Variants in MTRF1 observed in about 807,000 individuals in gnomAD.
MTRF1 encodes the protein mitochondrial translation release factor 1, also known as peptide chain release factor 1, mitochondrial.
MTRF1 carries 51 observed loss-of-function variants against 62.9 expected under a neutral mutation model. That is an observed-to-expected ratio of 0.81 (90% CI 0.65 to 1.02). MTRF1 has a LOEUF of 1.02. Ranked by LOEUF, MTRF1 falls within the 50% of genes least tolerant of loss-of-function variation. The pLI is 0.00. For synonymous variants in MTRF1, 158 were observed against 181.9 expected, an observed-to-expected ratio of 0.87 and a Z score of 1.06; for missense variants, 446 against 530.0, an observed-to-expected ratio of 0.84 and a Z score of 1.56.
At position 41,217,211 on chromosome 13, in the gene MTRF1, C is replaced by G; in HGVS notation, c.1242G>C (p.Gly414=). Residue 414 remains glycine, a synonymous_variant, in exon 10 of 10, where the codon GGG becomes GGC. Coordinates refer to ENST00000379480, the MANE Select transcript of MTRF1 (RefSeq NM_004294.4). Reference sequence around the variant, plus strand: ...TCTGAATTAGCTGATCCAGGCCCTTCCCACCACATAAAAATTCCTGGTAAA... The same window carrying G: ...TCTGAATTAGCTGATCCAGGCCCTTGCCACCACATAAAAATTCCTGGTAAA... ...VRDIKEFLCG[G]KGLDQLIQRL... is the part of the protein sequence containing the mutation. 6.2e-7 allele frequency: 1 copy of G among 1,603,694 alleles called. No individual in the cohort carries two copies.
intron 9 of MTRF1, among the ~76,000 whole-genome samples, chr13:41,220,264 A>C (rs1166605929): frequency 1.4e-5 from 2 of 143,438 alleles, no homozygotes; most frequent in African/African-American, 5.1e-5. Flanking sequence ...CAGGAAGCAG[A>C]GGCTGCAGAG....
upstream of MTRF1, among the ~76,000 whole-genome samples, chr13:41,264,334 A>C (rs2040766170): frequency 6.6e-6 from 1 of 152,252 alleles, no homozygotes; most frequent in African/African-American, 2.4e-5. Context: ...TTCATAGCTT[A>C]TGAACCACTG....
At chr13:41,220,709 C>T in intron 9 of MTRF1, 1 of 773,324 alleles carries the variant, frequency 1.3e-6, no homozygotes, top group Non-Finnish European at 1.9e-6. Flanking sequence ...CTCATTTTTG[C>T]TTTTCTCTGT....
the MTRF1 span, among the ~76,000 whole-genome samples, chr13:41,275,294 G>A: frequency 5.9e-5 from 9 of 151,704 alleles, no homozygotes; most frequent in Admixed American, 3.9e-4. Flanking sequence ...TCCGCCTCCC[G>A]GGTTCATGCC....
At chr13:41,245,912 CTT>C (rs907360712) in intron 5 of MTRF1, among the ~76,000 whole-genome samples, 1 of 152,162 alleles carries the variant, frequency 6.6e-6, no homozygotes, top group Non-Finnish European at 1.5e-5. Context: ...TCCTGCTCAA[CTT>C]TGATTCTCCT....
chr13:41,256,013 A>C (rs2039663560), intron 2 of MTRF1, among the ~76,000 whole-genome samples: 1 of 152,200 alleles, frequency 6.6e-6, no homozygotes, highest in Non-Finnish European at 1.5e-5. Context: ...GACTCTTTTA[A>C]ATTATTCTCT....
At chr13:41,264,298 A>G (rs2139240229), upstream of MTRF1, among the ~76,000 whole-genome samples, 1 of 152,362 alleles carries the variant, frequency 6.6e-6, no homozygotes, top group African/African-American at 2.4e-5. Context: ...TTCTTTGCAC[A>G]TGGGAATGTA....
chr13:41,243,087 C>A (rs1278229108), intron 5 of MTRF1, among the ~76,000 whole-genome samples: 6 of 151,960 alleles, frequency 3.9e-5, no homozygotes, highest in Admixed American at 1.3e-4. Flanking sequence ...GGCGTGGTGG[C>A]GCGCACCTGT....
the MTRF1 span, among the ~76,000 whole-genome samples, chr13:41,287,378 T>G: frequency 6.6e-6 from 1 of 152,140 alleles, no homozygotes; most frequent in Non-Finnish European, 1.5e-5. Context: ...GAGCGAGAGC[T>G]CACTTATCAC....
At chr13:41,226,636 G>C in intron 7 of MTRF1, 68 bp from the exon 8 acceptor site, 2 of 1,537,702 alleles carry the variant, frequency 1.3e-6, no homozygotes, top group Non-Finnish European at 1.8e-6. Context: ...CCAAGGAACA[G>C]TTAAATGAGA....
At chr13:41,234,766 C>T (rs2036187856) in intron 6 of MTRF1, among the ~76,000 whole-genome samples, 1 of 152,182 alleles carries the variant, frequency 6.6e-6, no homozygotes, top group South Asian at 2.1e-4. Flanking sequence ...ATGAGTTGCT[C>T]CACATTTGCC....
intron 8 of MTRF1, among the ~76,000 whole-genome samples, chr13:41,223,774 C>G (rs1349522382): frequency 1.3e-5 from 2 of 152,182 alleles, no homozygotes; most frequent in Non-Finnish European, 2.9e-5. Context: ...GAGAGACCAT[C>G]TTCAGTTCAT....
At chr13:41,236,911 T>C (rs187831421) in intron 6 of MTRF1, among the ~76,000 whole-genome samples, 8 of 152,056 alleles carry the variant, frequency 5.3e-5, no homozygotes, top group Non-Finnish European at 1.5e-5. Context: ...ACTGAATGAG[T>C]TTAATTTTCA....
intron 7 of MTRF1, among the ~76,000 whole-genome samples, chr13:41,231,224 A>G (rs1291486300): frequency 1.3e-5 from 2 of 152,240 alleles, no homozygotes; most frequent in Non-Finnish European, 2.9e-5. Flanking sequence ...GATGCTGACC[A>G]GAAACTGGCC....
At chr13:41,283,368 C>T in the MTRF1 span, among the ~76,000 whole-genome samples, 1 of 152,156 alleles carries the variant, frequency 6.6e-6, no homozygotes, top group Non-Finnish European at 1.5e-5. Flanking sequence ...GTCCTTCAGT[C>T]ATGGGGGTAG....
At chr13:41,311,052 GT>G in the MTRF1 span, among the ~76,000 whole-genome samples, 14 of 152,238 alleles carry the variant, frequency 9.2e-5, no homozygotes, top group East Asian at 2.7e-3. Flanking sequence ...AATGAGGGTG[GT>G]GACTCACCAC....
At position 41,252,670 on chromosome 13, in the gene MTRF1, A is replaced by G. The variant is rs2039222357; in HGVS notation, c.672T>C (p.Leu224=). ...YSCYKHWQFE[L]LNYTPADYGG... ...CATAATCTGCTGGTGTATAATTCAG[A>G]AGTTCAAATTGCCAGTGTTTATAGC... The change falls in exon 5 of 10, where the codon CTT becomes CTC. Residue 224 remains leucine (L), a synonymous_variant. Transcript: ENST00000379480. 4 of 1,613,226 alleles carry G rather than the reference A, an allele frequency of 2.5e-6. No homozygotes were observed. The highest frequency in any genetic ancestry group is 3.4e-6 in the Non-Finnish European group (4 of 1,179,384).
intron 5 of MTRF1, among the ~76,000 whole-genome samples, chr13:41,248,245 C>T (rs2038546376): frequency 6.6e-6 from 1 of 152,182 alleles, no homozygotes. Flanking sequence ...TCTCAGCCTC[C>T]TGAGTAACTG....
the MTRF1 span, among the ~76,000 whole-genome samples, chr13:41,296,343 G>A: frequency 2.0e-5 from 3 of 152,168 alleles, no homozygotes; most frequent in Admixed American, 2.0e-4. Context: ...CAAAGCACTG[G>A]GATTGCTGTC....
Sources: allele counts gnomAD v4.1 joint callset (sites outside exome capture counted in the v4.1 genomes callset), GRCh38; gene constraint gnomAD v4.1.1; transcripts MANE v1.5; gene names NCBI Gene and HGNC (gene_info 2026-07-23, HGNC 2026-07-21).